Variants in EYA4 observed in about 807,000 individuals in gnomAD.
EYA4 encodes the protein EYA transcriptional coactivator and phosphatase 4.
Under a neutral mutation model 87.9 loss-of-function variants are expected in EYA4, and 31 were observed. The observed-to-expected ratio is 0.35, with a 90% CI of 0.27 to 0.48. The LOEUF is 0.48. Ranked by LOEUF, EYA4 falls within the 20% of genes least tolerant of loss-of-function variation. EYA4 has a pLI of 0.99. For synonymous variants in EYA4, 263 were observed against 270.6 expected (o/e 0.97, Z 0.28); for missense variants, 678 against 761.4 (o/e 0.89, Z 1.29).
At chr6:133,523,811 T>G (rs1285850757) in intron 18 of EYA4, among the ~76,000 whole-genome samples, 2 of 152,088 alleles carry the variant, frequency 1.3e-5, no homozygotes, top group African/African-American at 4.8e-5. Context: ...CTTCATCAAC[T>G]TCTGCCTTAT....
At position 133,338,951 on chromosome 6, in the gene EYA4, G is replaced by A. The variant is rs535111715; in HGVS notation, c.34-43441G>A. On this transcript the variant is annotated intron_variant, in intron 2 of 19. Coordinates refer to ENST00000355286, the MANE Select transcript of EYA4 (RefSeq NM_004100.5). ...TCCTGTAAAGAAGGTGGTGTCTCTG[G>A]GCATCACTTGGCTCTTTTGTAAATT... Among the ~76,000 whole-genome samples, 77 of 151,912 alleles carry A rather than the reference G, an allele frequency of 5.1e-4. 1 individual carries two copies. The highest frequency in any genetic ancestry group is 3.4e-3 in the Middle Eastern group (1 of 294).
At chr6:133,381,906 T>C (rs375758970) in intron 2 of EYA4, among the ~76,000 whole-genome samples, 6 of 152,206 alleles carry the variant, frequency 3.9e-5, no homozygotes, top group African/African-American at 1.2e-4. Flanking sequence ...CTAAACTTAA[T>C]TGATATGTTG....
chr6:133,481,804 G>A (rs56013218), intron 12 of EYA4, among the ~76,000 whole-genome samples: 1 of 152,128 alleles, frequency 6.6e-6, no homozygotes, highest in Non-Finnish European at 1.5e-5. Context: ...ACAAATAACA[G>A]TATAAAAATG....
At chr6:133,494,493 G>A (rs1797456335) in intron 13 of EYA4, among the ~76,000 whole-genome samples, 1 of 152,032 alleles carries the variant, frequency 6.6e-6, no homozygotes, top group Non-Finnish European at 1.5e-5. Context: ...TCTAGTATTT[G>A]ATAGCACATC....
chr6:133,349,474 A>G (rs1783466203), intron 2 of EYA4, among the ~76,000 whole-genome samples: 1 of 152,226 alleles, frequency 6.6e-6, no homozygotes, highest in Non-Finnish European at 1.5e-5. Context: ...TGTTGAATTC[A>G]TGTATGAATA....
At chr6:133,491,957 A>G (rs1797206063) in intron 13 of EYA4, among the ~76,000 whole-genome samples, 1 of 148,778 alleles carries the variant, frequency 6.7e-6, no homozygotes, top group African/African-American at 2.6e-5. Flanking sequence ...GTCTCAAAAA[A>G]AAAAAAAAAA....
chr6:133,430,391 A>T (rs1265717131), intron 3 of EYA4, among the ~76,000 whole-genome samples: 1 of 152,204 alleles, frequency 6.6e-6, no homozygotes, highest in African/African-American at 2.4e-5. Context: ...GCTAAAATCC[A>T]TGTTTTACGG....
intron 2 of EYA4, among the ~76,000 whole-genome samples, chr6:133,279,865 A>T (rs1777483631): frequency 6.6e-6 from 1 of 152,178 alleles, no homozygotes; most frequent in African/African-American, 2.4e-5. Flanking sequence ...ATAGAACTTC[A>T]GAACCACCAA....
At chr6:133,408,992 T>A (rs762895273) in intron 3 of EYA4, among the ~76,000 whole-genome samples, 3 of 152,182 alleles carry the variant, frequency 2.0e-5, no homozygotes, top group Admixed American at 6.5e-5. Flanking sequence ...AGACTCCCTG[T>A]TCTGATCTGG....
intron 3 of EYA4, among the ~76,000 whole-genome samples, chr6:133,422,416 C>T (rs958989890): frequency 1.3e-5 from 2 of 152,094 alleles, no homozygotes; most frequent in African/African-American, 4.8e-5. Context: ...AGATTATATT[C>T]TTTATATTTA....
At chr6:133,357,143 C>T (rs1784118756) in intron 2 of EYA4, among the ~76,000 whole-genome samples, 2 of 151,178 alleles carry the variant, frequency 1.3e-5, no homozygotes, top group Admixed American at 6.6e-5. Context: ...TCGTGGCGGG[C>T]GCCTGTAGTC....
At chr6:133,394,911 C>T (rs2128502800) in intron 3 of EYA4, among the ~76,000 whole-genome samples, 1 of 152,248 alleles carries the variant, frequency 6.6e-6, no homozygotes, top group Non-Finnish European at 1.5e-5. Flanking sequence ...CATTGATATG[C>T]CTTAGTACTG....
rs371788460 is a variant in EYA4 at position 133,484,085 on chromosome 6, C to T, written c.1191+970C>T. On this transcript the variant is annotated intron_variant, in intron 13 of 19. Transcript: ENST00000355286. The stretch of plus-strand genomic sequence containing the variant: ...TTACAAACCTCTGTGAGTGCTTCTC[C>T]GAAGACTGATGCAACTCTGAAAGGC... Among the ~76,000 whole-genome samples the T allele has an allele frequency of 7.9e-5, 12 of 152,192 alleles. No individual in the cohort carries two copies. The East Asian group carries it at 1.5e-3, about 20-fold the overall frequency.
intron 2 of EYA4, among the ~76,000 whole-genome samples, chr6:133,301,042 T>A (rs1779363642): frequency 1.3e-5 from 2 of 152,224 alleles, no homozygotes; most frequent in Non-Finnish European, 2.9e-5. Context: ...TTTCGTATCA[T>A]GTGTTTCATA....
At chr6:133,495,421 CATTT>C (rs1372896404) in intron 13 of EYA4, among the ~76,000 whole-genome samples, 2 of 147,564 alleles carry the variant, frequency 1.4e-5, no homozygotes, top group Non-Finnish European at 3.0e-5. Context: ...GAAATATATT[CATTT>C]ATTTATAAAT....
intron 2 of EYA4, among the ~76,000 whole-genome samples, chr6:133,327,226 C>T (rs1192127947): frequency 6.6e-6 from 1 of 152,066 alleles, no homozygotes; most frequent in Non-Finnish European, 1.5e-5. Flanking sequence ...CGACCTCTCC[C>T]TCCCAGGTTC....
intron 1 of EYA4, among the ~76,000 whole-genome samples, chr6:133,270,906 G>T (rs1337095700): frequency 6.6e-6 from 1 of 152,162 alleles, no homozygotes; most frequent in African/African-American, 2.4e-5. Flanking sequence ...TTGACTTAAA[G>T]GTAGGAGGAG....
At chr6:133,375,847 T>C (rs211607) in intron 2 of EYA4, among the ~76,000 whole-genome samples, 109,346 of 151,714 alleles carry the variant, frequency 0.72, 40,169 homozygotes, top group Non-Finnish European at 0.8. Context: ...GTCTTTTATT[T>C]TCGCTAAATT....
rs201527039 is a variant in EYA4 at position 133,442,818 on chromosome 6, GA to G, written c.84-3807del. 8.0e-3 allele frequency among the ~76,000 whole-genome samples: 1,223 copies of G among 152,032 alleles called. 17 individuals are homozygous for G. The highest frequency in any genetic ancestry group is 0.028 in the African/African-American group (1,164 of 41,486). ...TCAAGAGTGCTTTTATCAGACAGAG[GA>G]AAAATACTTCTTTTCTTAGTTTGCC... On this transcript the variant is annotated intron_variant, in intron 3 of 19. Coordinates refer to ENST00000355286, the MANE Select transcript of EYA4 (RefSeq NM_004100.5).
Sources: gnomAD v4.1 joint callset for allele counts (sites outside exome capture counted in the v4.1 genomes callset) on GRCh38, gnomAD v4.1.1 for gene constraint, MANE v1.5 for transcripts, NCBI Gene and HGNC (gene_info 2026-07-23, HGNC 2026-07-21) for gene names.